The following PLEKHA7 variants were observed in gnomAD, a reference collection of about 807,000 sequenced individuals.
PLEKHA7 encodes pleckstrin homology domain-containing family A member 7.
A neutral mutation model predicts 170.0 loss-of-function variants in PLEKHA7; 104 were observed. That is an observed-to-expected ratio of 0.61 (90% CI 0.52 to 0.72). The LOEUF (loss-of-function observed/expected upper bound fraction) is 0.72, where lower values mean the gene tolerates loss of function less well. Among genes scored for constraint, PLEKHA7 ranks in the 30% least tolerant of loss-of-function variants. The pLI is 0.00. For missense variants in PLEKHA7, 1,615 were observed against 1,671.7 expected (o/e 0.97, Z 0.59); for synonymous variants, 648 against 660.8 (o/e 0.98, Z 0.30).
intron 3 of PLEKHA7, among the ~76,000 whole-genome samples, chr11:16,973,936 C>G (rs1862885571): frequency 6.6e-6 from 1 of 152,222 alleles, no homozygotes; most frequent in Non-Finnish European, 1.5e-5. Context: ...ACATTCCTGC[C>G]ATTGTCTTGA....
At chr11:16,947,972 T>C (rs572125614) in intron 3 of PLEKHA7, among the ~76,000 whole-genome samples, 104 of 149,486 alleles carry the variant, frequency 7.0e-4, no homozygotes, top group Admixed American at 1.3e-3. Context: ...TGCATATATA[T>C]ACATAATGGA....
intron 3 of PLEKHA7, among the ~76,000 whole-genome samples, chr11:16,928,200 T>C (rs1859696953): frequency 6.6e-6 from 1 of 152,156 alleles, no homozygotes; most frequent in South Asian, 2.1e-4. Flanking sequence ...CCTAGCACTT[T>C]GGGCATTGCT....
At chr11:16,982,780 T>TACACACACACACAC (rs35725815) in intron 3 of PLEKHA7, among the ~76,000 whole-genome samples, 4,047 of 144,030 alleles carry the variant, frequency 0.028, 180 homozygotes, top group East Asian at 0.12. Flanking sequence ...CACTATCCCC[T>TACACACACACACAC]ACACACACAC....
intron 9 of PLEKHA7, among the ~76,000 whole-genome samples, chr11:16,835,089 G>T (rs766965584): frequency 1.3e-5 from 2 of 151,842 alleles, no homozygotes; most frequent in African/African-American, 2.4e-5. Context: ...GGGCACCATG[G>T]TGAAACCTCA....
intron 3 of PLEKHA7, among the ~76,000 whole-genome samples, chr11:16,944,869 T>C (rs75553550): frequency 0.017 from 2,596 of 152,354 alleles, 87 homozygotes; most frequent in African/African-American, 0.06. Flanking sequence ...TTAATGATTG[T>C]TAATCCTTAA....
At chr11:16,990,286 A>AAAAAAAAAAAAAAAAAC (rs1565185991) in intron 3 of PLEKHA7, among the ~76,000 whole-genome samples, 1 of 108,218 alleles carries the variant, frequency 9.2e-6, no homozygotes, top group Non-Finnish European at 1.9e-5. Context: ...AAAAAAAAAA[A>AAAAAAAAAAAAAAAAAC]AAAAAAAAAA....
rs1337828519 is a variant in PLEKHA7 at position 16,813,157 on chromosome 11, TATC to T, written c.1960_1962del (p.Asp654del). The stretch of plus-strand genomic sequence containing the variant: ...AGGTCTTTCTTCAGCTGGAGGTAGG[TATC>T]ATCAGCCTTCAAATGAAGCAGAGAG... On this transcript the variant is annotated inframe_deletion, in exon 13 of 27. Coordinates refer to ENST00000531066, the MANE Select transcript of PLEKHA7 (RefSeq NM_001329630.2). The T allele has an allele frequency of 6.2e-7, 1 of 1,613,444 alleles. No homozygotes were observed. Among genetic ancestry groups the T allele is most frequent in the Admixed American group, 1.7e-5 (1 of 60,010 alleles).
At chr11:16,981,264 T>TC (rs1863410390) in intron 3 of PLEKHA7, among the ~76,000 whole-genome samples, 1 of 152,204 alleles carries the variant, frequency 6.6e-6, no homozygotes, top group South Asian at 2.1e-4. Context: ...CCTGAGTACT[T>TC]CATATATGTT....
At chr11:16,897,500 G>A (rs1323638087) in intron 3 of PLEKHA7, among the ~76,000 whole-genome samples, 6 of 152,214 alleles carry the variant, frequency 3.9e-5, no homozygotes, top group African/African-American at 1.2e-4. Context: ...TGGCTCCAGT[G>A]TGCTGGCTGG....
Position 16,854,778 on chromosome 11 carries a change from A to C in PLEKHA7, c.522+111T>G, listed in dbSNP as rs529671836. The C allele has an allele frequency of 2.8e-5, 25 of 895,718 alleles. No individual in the cohort carries two copies. In the East Asian group the frequency reaches 3.8e-4, roughly 14 times the overall value. The allele number at this position is 895,718 out of a possible 1,614,324, so 55.5% of individuals were successfully genotyped here. ...GGTAGAATCCAGCTGCCTCAGACAA[A>C]CTCAGGAACAGAAAGCTTATGTGCC... On this transcript the variant is annotated intron_variant, in intron 6 of 26. Coordinates refer to ENST00000531066, the MANE Select transcript of PLEKHA7 (RefSeq NM_001329630.2).
At chr11:16,987,949 C>A (rs1863832126) in intron 3 of PLEKHA7, among the ~76,000 whole-genome samples, 1 of 152,228 alleles carries the variant, frequency 6.6e-6, no homozygotes, top group South Asian at 2.1e-4. Flanking sequence ...GGCACAGATC[C>A]TGGGTCACCA....
intron 3 of PLEKHA7, among the ~76,000 whole-genome samples, chr11:16,988,663 G>GTC (rs5789966): frequency 0.39 from 59,914 of 151,870 alleles, 12,350 homozygotes; most frequent in East Asian, 0.56. Context: ...GGCCAGGCTG[G>GTC]TCGAACTCCT....
chr11:16,946,448 G>A (rs891231596), intron 3 of PLEKHA7, among the ~76,000 whole-genome samples: 10 of 152,176 alleles, frequency 6.6e-5, no homozygotes, highest in Admixed American at 2.6e-4. Context: ...GGAGGGGAGG[G>A]GGGGACTTTG....
chr11:16,903,708 C>G (rs1355268159), intron 3 of PLEKHA7, among the ~76,000 whole-genome samples: 2 of 152,186 alleles, frequency 1.3e-5, no homozygotes, highest in Admixed American at 6.5e-5. Flanking sequence ...TCACAACGTC[C>G]AAATTACAGA....
intron 3 of PLEKHA7, among the ~76,000 whole-genome samples, chr11:16,961,552 T>C (rs898072512): frequency 6.6e-6 from 1 of 152,208 alleles, no homozygotes; most frequent in African/African-American, 2.4e-5. Context: ...CCCCTGGCTG[T>C]GCCTGGAGGG....
rs147188386 is a variant in PLEKHA7, at chr11:16,794,521, G to T, written c.2712C>A (p.Pro904=). ...GCTTCGCCTTAGTTGGTGACTGAAG[G>T]GGGGATGTCACTTTCCTCAGCTGGG... is the stretch of plus-strand genomic sequence containing the variant. ...HPPQLRKVTS[P]LQSPTKAKPK... is the part of the protein sequence containing the mutation. The change falls in exon 19 of 27, where the codon CCC becomes CCA. Residue 904 remains proline (P), a synonymous_variant. Coordinates refer to ENST00000531066, the MANE Select transcript of PLEKHA7 (RefSeq NM_001329630.2). The T allele has an allele frequency of 1.5e-5, 24 of 1,613,934 alleles. No individual in the cohort carries two copies. The highest frequency in any genetic ancestry group is 4.0e-5 in the African/African-American group (3 of 75,012).
At chr11:16,793,971 T>C (rs1010910042) in intron 19 of PLEKHA7, among the ~76,000 whole-genome samples, 3 of 152,230 alleles carry the variant, frequency 2.0e-5, no homozygotes, top group African/African-American at 7.2e-5. Flanking sequence ...CTCTGTGGAA[T>C]GGGGATACTG....
At chr11:16,922,278 T>C (rs891057545) in intron 3 of PLEKHA7, among the ~76,000 whole-genome samples, 1 of 152,184 alleles carries the variant, frequency 6.6e-6, no homozygotes, top group Non-Finnish European at 1.5e-5. Flanking sequence ...TAGCTATCAA[T>C]TGGTAAGTAC....
At chr11:16,850,909 C>T (rs1852885187) in intron 8 of PLEKHA7, among the ~76,000 whole-genome samples, 1 of 152,148 alleles carries the variant, frequency 6.6e-6, no homozygotes, top group African/African-American at 2.4e-5. Context: ...GGTGATAAGA[C>T]AGCTCAAGAA....
Sources: gnomAD v4.1 joint callset for allele counts (sites outside exome capture counted in the v4.1 genomes callset) on GRCh38, gnomAD v4.1.1 for gene constraint, MANE v1.5 for transcripts, NCBI Gene and HGNC (gene_info 2026-07-23, HGNC 2026-07-21) for gene names.